Variants in FMN1 observed in about 807,000 individuals in gnomAD.
FMN1 encodes the protein formin-1.
FMN1 carries 110 observed loss-of-function variants against 132.4 expected under a neutral mutation model. That is an observed-to-expected ratio of 0.83 (90% CI 0.71 to 0.97). FMN1 has a LOEUF of 0.97. Ranked by LOEUF, FMN1 falls within the 50% of genes least tolerant of loss-of-function variation. The pLI is 0.00. For synonymous variants in FMN1, 722 were observed against 651.7 expected (o/e 1.11, Z -1.64); for missense variants, 1,792 against 1,705.3 (o/e 1.05, Z -0.90).
At chr15:32,934,114 T>C (rs1204653384) in intron 9 of FMN1, among the ~76,000 whole-genome samples, 1 of 152,090 alleles carries the variant, frequency 6.6e-6, no homozygotes, top group Admixed American at 6.6e-5. Context: ...TCTTTTCTTT[T>C]TGTTGTTGTA....
At chr15:33,110,681 T>A (rs181735717) in intron 4 of FMN1, among the ~76,000 whole-genome samples, 1 of 128,376 alleles carries the variant, frequency 7.8e-6, no homozygotes, top group African/African-American at 3.3e-5. Context: ...ATTAAATTTA[T>A]ATAAACACAG....
At chr15:32,783,734 G>C (rs1339198472) in intron 19 of FMN1, among the ~76,000 whole-genome samples, 1 of 106,102 alleles carries the variant, frequency 9.4e-6, no homozygotes, top group Non-Finnish European at 1.7e-5. Flanking sequence ...GACAGAGCGA[G>C]ACTCTGTTTC....
chr15:33,066,973 G>A (rs1234827836), intron 5 of FMN1: 9 of 1,613,952 alleles, frequency 5.6e-6, no homozygotes, highest in Non-Finnish European at 6.8e-6. Context: ...GCAAAGCTAA[G>A]TCCCCATCCT....
chr15:32,875,192 A>G (rs920832986), intron 16 of FMN1, among the ~76,000 whole-genome samples: 2 of 152,230 alleles, frequency 1.3e-5, no homozygotes, highest in African/African-American at 4.8e-5. Context: ...TTACCCTATG[A>G]AAGTTTTCCT....
At chr15:33,046,889 CGGTTCT>C (rs2036712048) in intron 6 of FMN1, among the ~76,000 whole-genome samples, 1 of 152,014 alleles carries the variant, frequency 6.6e-6, no homozygotes, top group South Asian at 2.1e-4. Context: ...TCTTTCTGCA[CGGTTCT>C]ATCATAAGGA....
At chr15:33,032,143 C>A (rs969326098) in intron 6 of FMN1, among the ~76,000 whole-genome samples, 8 of 152,102 alleles carry the variant, frequency 5.3e-5, no homozygotes, top group African/African-American at 1.2e-4. Flanking sequence ...AGGTTTTAAC[C>A]ATAGTATTCC....
intron 4 of FMN1, among the ~76,000 whole-genome samples, chr15:33,114,440 G>C (rs1000185492): frequency 2.0e-5 from 3 of 152,244 alleles, no homozygotes; most frequent in African/African-American, 7.2e-5. Flanking sequence ...ATCTGCATAA[G>C]TGTTGAACAT....
At chr15:32,896,965 T>G (rs997247557) in intron 15 of FMN1, among the ~76,000 whole-genome samples, 1 of 152,208 alleles carries the variant, frequency 6.6e-6, no homozygotes, top group African/African-American at 2.4e-5. Context: ...AGTTCTATTT[T>G]TAATTTTTTG....
intron 9 of FMN1, among the ~76,000 whole-genome samples, chr15:32,951,894 A>G (rs1388636616): frequency 6.6e-6 from 1 of 152,100 alleles, no homozygotes; most frequent in East Asian, 1.9e-4. Context: ...TCTAGTGGTG[A>G]CTCTCACCAC....
intron 4 of FMN1, among the ~76,000 whole-genome samples, chr15:33,123,446 GACTC>G (rs758867673): frequency 2.8e-4 from 42 of 152,110 alleles, no homozygotes; most frequent in Admixed American, 9.2e-4. Context: ...ACTAAGCTAA[GACTC>G]ACTATCTGTG....
chr15:33,188,296 T>C (rs547801666), intron 2 of FMN1, among the ~76,000 whole-genome samples: 61 of 152,282 alleles, frequency 4.0e-4, no homozygotes, highest in African/African-American at 1.4e-3. Context: ...GCCAAGATCA[T>C]GCTGCTGCAC....
intron 5 of FMN1, among the ~76,000 whole-genome samples, chr15:33,077,550 T>C (rs1292371704): frequency 6.6e-6 from 1 of 151,732 alleles, no homozygotes; most frequent in African/African-American, 2.4e-5. Flanking sequence ...GTGTGTGATG[T>C]TCCCCTTCCT....
chr15:33,148,686 C>T (rs1246166793), intron 4 of FMN1, among the ~76,000 whole-genome samples: 1 of 152,184 alleles, frequency 6.6e-6, no homozygotes, highest in East Asian at 1.9e-4. Context: ...GCACGCCTTC[C>T]CTTGCGCCTT....
intron 17 of FMN1, among the ~76,000 whole-genome samples, chr15:32,818,771 A>G (rs2058124764): frequency 6.6e-6 from 1 of 152,140 alleles, no homozygotes; most frequent in South Asian, 2.1e-4. Flanking sequence ...ATGACAAGCC[A>G]CACACACAAG....
intron 4 of FMN1, among the ~76,000 whole-genome samples, chr15:33,137,051 G>A (rs1418657385): frequency 3.3e-5 from 4 of 120,982 alleles, no homozygotes; most frequent in Admixed American, 2.4e-4. Flanking sequence ...TCACAACACT[G>A]CACTCCAGCC....
chr15:32,781,836 A>G (rs561364960), intron 19 of FMN1, among the ~76,000 whole-genome samples: 1 of 152,202 alleles, frequency 6.6e-6, no homozygotes, highest in African/African-American at 2.4e-5. Flanking sequence ...AATTAAAGAA[A>G]ATACTATATG....
chr15:33,011,568 C>A (rs1342267747), intron 6 of FMN1, among the ~76,000 whole-genome samples: 1 of 151,718 alleles, frequency 6.6e-6, no homozygotes, highest in Non-Finnish European at 1.5e-5. Context: ...AGGAAAAAAC[C>A]TGATAAATTT....
chr15:32,990,440 C>G (rs2033364569), intron 7 of FMN1, among the ~76,000 whole-genome samples: 1 of 152,130 alleles, frequency 6.6e-6, no homozygotes, highest in Non-Finnish European at 1.5e-5. Flanking sequence ...TAGCACAGGA[C>G]AATTACTTCA....
intron 12 of FMN1, among the ~76,000 whole-genome samples, chr15:32,907,757 T>C (rs2060462352): frequency 1.2e-5 from 1 of 85,722 alleles, no homozygotes; most frequent in African/African-American, 3.6e-5. Context: ...AGAGGCCCTC[T>C]GAACCTGTGT....
Sources: gnomAD v4.1 joint callset for allele counts (sites outside exome capture counted in the v4.1 genomes callset) on GRCh38, gnomAD v4.1.1 for gene constraint, MANE v1.5 for transcripts, NCBI Gene and HGNC (gene_info 2026-07-23, HGNC 2026-07-21) for gene names.